GPC3: variants seen among roughly 807,000 people sequenced by gnomAD.
The protein encoded by GPC3 is glypican 3, also known as glypican-3.
In GPC3, 3 loss-of-function variants were observed where a neutral mutation model predicts 34.4. The observed-to-expected ratio is 0.09, with a 90% CI of 0.04 to 0.23. The LOEUF (loss-of-function observed/expected upper bound fraction) is 0.23. Among genes scored for constraint, GPC3 ranks in the 10% least tolerant of loss-of-function variants. The probability of loss-of-function intolerance (pLI) is 1.00; values close to 1 mark genes in which losing one functional copy is unlikely to be tolerated. For missense variants in GPC3, 351 were observed against 445.6 expected (o/e 0.79, Z 1.91); for synonymous variants, 177 against 174.0 (o/e 1.02, Z -0.13).
chrX:133,750,925 TAGCCAGGCATG>T (rs1989525116), intron 3 of GPC3, among the ~76,000 whole-genome samples: 1 of 108,601 alleles, frequency 9.2e-6, no homozygotes, highest in African/African-American at 3.4e-5. Flanking sequence ...AATACAGAAT[TAGCCAGGCATG>T]GTGGCATGCG....
At chrX:133,895,855 C>T (rs974063418) in intron 2 of GPC3, among the ~76,000 whole-genome samples, 3 of 111,387 alleles carry the variant, frequency 2.7e-5, no homozygotes, top group African/African-American at 9.8e-5. Flanking sequence ...GAAGAGAGTT[C>T]CCTCGCAGGC....
intron 6 of GPC3, among the ~76,000 whole-genome samples, chrX:133,602,189 T>G (rs780575886): frequency 9.0e-6 from 1 of 111,389 alleles, no homozygotes; most frequent in South Asian, 3.8e-4. Flanking sequence ...TACCCCACAT[T>G]CTCGCTCATA....
chrX:133,815,233 T>G (rs1382364692), intron 2 of GPC3, among the ~76,000 whole-genome samples: 1 of 105,624 alleles, frequency 9.5e-6, no homozygotes, highest in African/African-American at 3.4e-5. Context: ...TCATAGTCAC[T>G]GAGTTGTTTA....
intron 7 of GPC3, among the ~76,000 whole-genome samples, chrX:133,548,654 C>G (rs957536919): frequency 9.0e-6 from 1 of 111,684 alleles, no homozygotes; most frequent in Non-Finnish European, 1.9e-5. Flanking sequence ...AGTATGAAAT[C>G]TCTCCCTCAT....
At chrX:133,785,370 G>A (rs1270421927) in intron 2 of GPC3, among the ~76,000 whole-genome samples, 1 of 111,367 alleles carries the variant, frequency 9.0e-6, no homozygotes, top group African/African-American at 3.3e-5. Flanking sequence ...GTTATGGTGT[G>A]TGTGACTATG....
intron 2 of GPC3, among the ~76,000 whole-genome samples, chrX:133,891,538 G>A (rs1324483900): frequency 9.1e-6 from 1 of 110,342 alleles, no homozygotes; most frequent in Non-Finnish European, 1.9e-5. Flanking sequence ...GAAGGCCAAG[G>A]CAGAAGGACT....
chrX:133,962,256 C>G (rs1159129959), intron 1 of GPC3, among the ~76,000 whole-genome samples: 1 of 112,134 alleles, frequency 8.9e-6, no homozygotes, highest in African/African-American at 3.2e-5. Context: ...TTTATAAAGA[C>G]ACTTCTCACA....
intron 7 of GPC3, among the ~76,000 whole-genome samples, chrX:133,571,519 C>T (rs1346640422): frequency 9.0e-6 from 1 of 111,552 alleles, no homozygotes; most frequent in Non-Finnish European, 1.9e-5. Context: ...CCCACCACCA[C>T]GCCCAGCCTG....
intron 6 of GPC3, among the ~76,000 whole-genome samples, chrX:133,646,083 C>CA (rs199725073): frequency 5.4e-3 from 317 of 58,273 alleles, no homozygotes; most frequent in Middle Eastern, 0.01. Context: ...AAAACAAAGA[C>CA]AAAAAAAAAA....
In GPC3 at chrX:133,985,468, A is replaced by T. The variant is rs763707932; in HGVS notation, c.-19T>A. The stretch of plus-strand genomic sequence containing the variant: ...CGGCCATCCTGCTTCGCAGGGAGCT[A>T]GGAGAGCGCGGGAGAGTGGCAGCCG... On this transcript the variant is annotated 5_prime_UTR_variant, in exon 1 of 8. Coordinates refer to ENST00000370818, the MANE Select transcript of GPC3 (RefSeq NM_004484.4). 118 of 1,161,986 alleles carry T rather than the reference A, an allele frequency of 1.0e-4. No individual in the cohort carries two copies. In the African/African-American group the frequency reaches 2.0e-3, roughly 19 times the overall value.
intron 6 of GPC3, among the ~76,000 whole-genome samples, chrX:133,622,237 G>A (rs1009353876): frequency 9.0e-6 from 1 of 111,710 alleles, no homozygotes; most frequent in South Asian, 3.8e-4. Context: ...TCTAAAAATC[G>A]GAGCACCTCC....
At chrX:133,841,628 G>A (rs1018763867) in intron 2 of GPC3, among the ~76,000 whole-genome samples, 3 of 111,113 alleles carry the variant, frequency 2.7e-5, no homozygotes, top group African/African-American at 6.5e-5. Context: ...CAGAAAATAC[G>A]GATTTGAGAC....
intron 2 of GPC3, among the ~76,000 whole-genome samples, chrX:133,880,835 A>T (rs1453356127): frequency 8.9e-6 from 1 of 111,913 alleles, no homozygotes; most frequent in Non-Finnish European, 1.9e-5. Flanking sequence ...ACATCATCCT[A>T]AACTACAAAG....
intron 6 of GPC3, among the ~76,000 whole-genome samples, chrX:133,657,683 TC>T (rs1283571797): frequency 9.0e-5 from 10 of 111,427 alleles, no homozygotes; most frequent in Non-Finnish European, 1.9e-4. Flanking sequence ...TCTGAACCCA[TC>T]CCCTCAAGGT....
chrX:133,936,149 T>C (rs1260699306), intron 2 of GPC3, among the ~76,000 whole-genome samples: 2 of 106,904 alleles, frequency 1.9e-5, no homozygotes, highest in Non-Finnish European at 3.8e-5. Context: ...GTTCTCGAAC[T>C]TCTGAGCTCA....
intron 2 of GPC3, among the ~76,000 whole-genome samples, chrX:133,860,265 A>G (rs1379106332): frequency 1.7e-4 from 19 of 111,771 alleles, no homozygotes; most frequent in Non-Finnish European, 3.6e-4. Flanking sequence ...GTTAAGTGCC[A>G]TTATTAGTAC....
intron 7 of GPC3, among the ~76,000 whole-genome samples, chrX:133,555,223 C>G (rs1031675617): frequency 1.8e-5 from 2 of 112,507 alleles, no homozygotes; most frequent in African/African-American, 6.5e-5. Context: ...TGGCCACTCT[C>G]TGTCTTGAAA....
chrX:133,607,543 C>T (rs780969380), intron 6 of GPC3, among the ~76,000 whole-genome samples: 30 of 112,078 alleles, frequency 2.7e-4, no homozygotes, highest in African/African-American at 9.4e-4. Flanking sequence ...TCTGGAATTA[C>T]AGGCATGAGC....
chrX:133,569,587 T>C (rs1311959786), intron 7 of GPC3, among the ~76,000 whole-genome samples: 4 of 112,391 alleles, frequency 3.6e-5, no homozygotes, highest in Admixed American at 2.8e-4. Flanking sequence ...CATCATTCCA[T>C]AAATTCTTCT....
Sources: gnomAD v4.1 joint callset for allele counts (sites outside exome capture counted in the v4.1 genomes callset) on GRCh38, gnomAD v4.1.1 for gene constraint, MANE v1.5 for transcripts, NCBI Gene and HGNC (gene_info 2026-07-23, HGNC 2026-07-21) for gene names.